The following PCNX2 variants were observed in gnomAD, a reference collection of about 807,000 sequenced individuals.
PCNX2 encodes pecanex 2.
A neutral mutation model predicts 223.8 loss-of-function variants in PCNX2; 168 were observed. The ratio of observed to expected loss-of-function variants is 0.75; its 90% CI spans 0.66 to 0.85. The LOEUF is 0.85. Ranked by LOEUF, PCNX2 falls within the 40% of genes least tolerant of loss-of-function variation. The probability of loss-of-function intolerance (pLI) is 0.00; values close to 1 mark genes in which losing one functional copy is unlikely to be tolerated. For missense variants in PCNX2, 2,507 were observed against 2,675.5 expected (o/e 0.94, Z 1.39); for synonymous variants, 1,006 against 1,052.6 (o/e 0.96, Z 0.86).
Position 233,227,362 on chromosome 1 carries a change from G to T in PCNX2, c.2368C>A (p.Gln790Lys). 1 of 1,612,334 alleles carries T rather than the reference G, an allele frequency of 6.2e-7. No homozygotes were observed. Among genetic ancestry groups the T allele is most frequent in the South Asian group, 1.1e-5 (1 of 90,796 alleles). Residue 790 changes from glutamine (Q) to lysine (K), a missense_variant, in exon 10 of 34, where the codon CAG becomes AAG. By Grantham distance (53) the Gln-to-Lys change is moderately conservative (BLOSUM62 1). This residue lies in a region of PCNX2 where 1,031 missense variants were observed against 1,021.7 expected (regional missense o/e 1.01). Coordinates refer to ENST00000258229, the MANE Select transcript of PCNX2 (RefSeq NM_014801.4). ...GAACATGACGAGGCTTCCAGATCCT[G>T]ACTCACATGCTTTTAGATACCAAAA... ...TQSETPRHVS[Q>K]DLEASSCSST...
At chr1:233,300,969 G>A in the PCNX2 span, among the ~76,000 whole-genome samples, 1 of 152,158 alleles carries the variant, frequency 6.6e-6, no homozygotes, top group South Asian at 2.1e-4. Flanking sequence ...CTTTATTGTG[G>A]ATGAAAGGCT....
rs970545886 is a variant in PCNX2 at position 232,991,835 on chromosome 1, A to C, written c.5792-5295T>G. Among the ~76,000 whole-genome samples the C allele has an allele frequency of 6.6e-6, 1 of 152,142 alleles. No homozygotes were observed. The highest frequency in any genetic ancestry group is 1.5e-5 in the Non-Finnish European group (1 of 68,024). ...GCCCACACCTGGATCTCAGACTTCCAGCCTCCAGAACTGGCAGACAGTAGG... is the reference window on the plus strand; with the variant it reads ...GCCCACACCTGGATCTCAGACTTCCCGCCTCCAGAACTGGCAGACAGTAGG... On this transcript the variant is annotated intron_variant, in intron 32 of 33. Transcript: ENST00000258229. This position sits in a 1 kb window ranked among gnomAD's most constrained non-coding sequence, Gnocchi z 4.3.
chr1:233,044,649 G>A (rs1671763582), intron 25 of PCNX2, among the ~76,000 whole-genome samples: 1 of 151,916 alleles, frequency 6.6e-6, no homozygotes, highest in South Asian at 2.1e-4. Context: ...ATAGAAAAAT[G>A]GTGCTTCCTC....
At chr1:233,219,957 A>C (rs1343746470) in intron 10 of PCNX2, among the ~76,000 whole-genome samples, 1 of 152,146 alleles carries the variant, frequency 6.6e-6, no homozygotes, top group Non-Finnish European at 1.5e-5. Context: ...CCCTACCCTA[A>C]GCCCTGGCAA....
chr1:233,133,623 A>G (rs1199084001), intron 21 of PCNX2, among the ~76,000 whole-genome samples: 4 of 152,212 alleles, frequency 2.6e-5, no homozygotes, highest in Admixed American at 2.6e-4. Context: ...TGGGAGGCCA[A>G]GGTAGGAGAA....
At chr1:233,264,919 C>G (rs76942504) in intron 1 of PCNX2, among the ~76,000 whole-genome samples, 33 of 152,086 alleles carry the variant, frequency 2.2e-4, no homozygotes, top group Admixed American at 3.3e-4. Context: ...TGCAGATGTC[C>G]GTGAAAACAG....
chr1:233,255,280 A>G (rs1167022398), intron 5 of PCNX2, among the ~76,000 whole-genome samples: 1 of 152,084 alleles, frequency 6.6e-6, no homozygotes. Flanking sequence ...AAGAAAACCA[A>G]ACCAAACCAA....
At chr1:233,036,533 G>C (rs1041399124) in intron 25 of PCNX2, among the ~76,000 whole-genome samples, 6 of 151,934 alleles carry the variant, frequency 3.9e-5, no homozygotes, top group African/African-American at 1.5e-4. Flanking sequence ...GGGAGGCTGA[G>C]GCAGGAGAAT....
At chr1:233,314,676 A>G in the PCNX2 span, among the ~76,000 whole-genome samples, 1 of 152,152 alleles carries the variant, frequency 6.6e-6, no homozygotes. Context: ...GCTCAAAACC[A>G]TAATTTGTCA....
At chr1:233,256,676 T>A (rs952728582) in intron 5 of PCNX2, among the ~76,000 whole-genome samples, 2 of 152,242 alleles carry the variant, frequency 1.3e-5, no homozygotes, top group Admixed American at 1.3e-4. Flanking sequence ...AATATTTCTA[T>A]CACTGCAGAA....
intron 15 of PCNX2, among the ~76,000 whole-genome samples, chr1:233,191,773 G>C (rs917038132): frequency 3.3e-5 from 5 of 152,202 alleles, no homozygotes; most frequent in African/African-American, 1.2e-4. Context: ...TATAGACCAA[G>C]GGGTTAGCAG....
At position 233,208,558 on chromosome 1, in the gene PCNX2, G is replaced by A; in HGVS notation, c.2823C>T (p.Phe941=). Residue 941 remains phenylalanine (F), a synonymous_variant, in exon 13 of 34, where the codon TTC becomes TTT. Coordinates refer to ENST00000258229, the MANE Select transcript of PCNX2 (RefSeq NM_014801.4). ...TAGCTGATTGTAGAAACACTGGAGA[G>A]AAGAGCTTCAGGCCATACACAACGT... ...PSYVVYGLKL[F]SPVFLQSARD... is the part of the protein sequence containing the mutation. 6.2e-7 allele frequency: 1 copy of A among 1,613,820 alleles called. No individual in the cohort carries two copies. Among genetic ancestry groups the A allele is most frequent in the Non-Finnish European group, 8.5e-7 (1 of 1,179,840 alleles).
chr1:233,249,872 G>A (rs2102984403), intron 8 of PCNX2, among the ~76,000 whole-genome samples: 1 of 152,272 alleles, frequency 6.6e-6, no homozygotes, highest in Admixed American at 6.5e-5. Context: ...CAGAATGCAA[G>A]GACAAAGACA....
chr1:233,304,656 A>T, the PCNX2 span, among the ~76,000 whole-genome samples: 1 of 152,166 alleles, frequency 6.6e-6, no homozygotes, highest in South Asian at 2.1e-4. Context: ...GAAAAAGAAA[A>T]AGCAGAGTGG....
At chr1:233,084,349 C>G (rs1310986659) in intron 23 of PCNX2, among the ~76,000 whole-genome samples, 1 of 152,202 alleles carries the variant, frequency 6.6e-6, no homozygotes, top group Non-Finnish European at 1.5e-5. Context: ...GCAGACCAGT[C>G]ACACAGAGTG....
At chr1:233,313,626 GA>G in the PCNX2 span, among the ~76,000 whole-genome samples, 1 of 151,834 alleles carries the variant, frequency 6.6e-6, no homozygotes, top group Admixed American at 6.6e-5. Context: ...GAAAGAAAAA[GA>G]AAAAATCTAG....
At position 233,090,053 on chromosome 1, in the gene PCNX2, G is replaced by C. The variant is rs541953728; in HGVS notation, c.4076+8C>G. 6.2e-7 allele frequency: 1 copy of C among 1,613,644 alleles called. No individual in the cohort carries two copies. Among genetic ancestry groups the C allele is most frequent in the South Asian group, 1.1e-5 (1 of 90,966 alleles). On this transcript the variant is annotated splice_region_variant and intron_variant, in intron 23 of 33. Transcript: ENST00000258229. The stretch of plus-strand genomic sequence containing the variant: ...AAAAGCAATTGAGCACTGATTTTAG[G>C]ATCTTACTTGTAGTTTTTCTCCCAG...
intron 21 of PCNX2, among the ~76,000 whole-genome samples, chr1:233,122,686 G>A (rs999108827): frequency 1.3e-5 from 2 of 152,020 alleles, no homozygotes; most frequent in East Asian, 1.9e-4. Flanking sequence ...ACCATGCCTG[G>A]CTAATTTTTT....
intron 25 of PCNX2, among the ~76,000 whole-genome samples, chr1:233,037,236 G>A (rs554764932): frequency 9.2e-5 from 14 of 152,230 alleles, no homozygotes; most frequent in African/African-American, 3.4e-4. Context: ...GTTGAACCAC[G>A]GAATGGGTTC....
Sources: gnomAD v4.1 joint callset for allele counts (sites outside exome capture counted in the v4.1 genomes callset) on GRCh38, gnomAD v4.1.1 for gene constraint, gnomAD v4.1.1 regional missense constraint, Gnocchi (gnomAD v3.1) non-coding constraint, MANE v1.5 for transcripts, NCBI Gene and HGNC (gene_info 2026-07-23, HGNC 2026-07-21) for gene names.